The following IGSF9 variants were observed in gnomAD, a reference collection of about 807,000 sequenced individuals.
The protein encoded by IGSF9 is immunoglobulin superfamily member 9, also known as protein turtle homolog A.
Under a neutral mutation model 121.7 loss-of-function variants are expected in IGSF9, and 87 were observed. The observed-to-expected ratio is 0.71, with a 90% CI of 0.60 to 0.85. The LOEUF (loss-of-function observed/expected upper bound fraction) is 0.85. Among genes scored for constraint, IGSF9 ranks in the 40% least tolerant of loss-of-function variants. IGSF9 has a pLI of 0.00. For missense variants in IGSF9, 1,462 were observed against 1,565.3 expected, an observed-to-expected ratio of 0.93 and a Z score of 1.11; for synonymous variants, 640 against 648.4, an observed-to-expected ratio of 0.99 and a Z score of 0.20.
At chr1:159,943,692 C>T in intron 1 of IGSF9, 64 bp from the exon 2 acceptor site, 1 of 407,928 alleles carries the variant, frequency 2.5e-6, no homozygotes, top group Non-Finnish European at 4.3e-6. Context: ...AGAAACCCCA[C>T]CATTAGAGAA....
In IGSF9 at chr1:159,940,749, T is replaced by A. The variant is rs1259678779; in HGVS notation, c.247+2214A>T. Among the ~76,000 whole-genome samples, 11 of 151,650 alleles carry A rather than the reference T, an allele frequency of 7.3e-5. No homozygotes were observed. In the East Asian group the frequency reaches 1.9e-3, roughly 27 times the overall value. ...GAGGTGACTAGAGCAAGCAGGGGAG[T>A]TCTAAGTGGAGAACGAGGTCACTGA... On this transcript the variant is annotated intron_variant, in intron 3 of 20. Transcript: ENST00000368094.
At chr1:159,943,251 G>A (rs1651464045) in intron 2 of IGSF9, 100 bp from the exon 3 acceptor site, 1 of 1,311,382 alleles carries the variant, frequency 7.6e-7, no homozygotes, top group Non-Finnish European at 1.0e-6. Flanking sequence ...GACTTTGGGT[G>A]ACTGGAGAAA....
In IGSF9 at chr1:159,928,157, C is replaced by A; in HGVS notation, c.3230+1G>T. The A allele has an allele frequency of 1.2e-6, 2 of 1,605,768 alleles. No homozygotes were observed. The highest frequency in any genetic ancestry group is 4.5e-5 in the East Asian group (2 of 44,878). Reference sequence around the variant, plus strand: ...CAGGGATGGGCAGGGACTGCTCTCACCTCTTGCTGACTGTCACCACATGCT... The same window carrying A: ...CAGGGATGGGCAGGGACTGCTCTCAACTCTTGCTGACTGTCACCACATGCT... On this transcript the variant is annotated splice_donor_variant, in intron 19 of 20. Coordinates refer to ENST00000368094, the MANE Select transcript of IGSF9 (RefSeq NM_001135050.2). LOFTEE classifies it high-confidence loss of function.
Position 159,932,030 on chromosome 1 carries a change from C to T in IGSF9, c.1246-102G>A. ...GTCATGCCATGTCTCACCTCACTCT[C>T]CCTCACTCCCCCTAGCTAAACACTC... On this transcript the variant is annotated intron_variant, in intron 10 of 20. Coordinates refer to ENST00000368094, the MANE Select transcript of IGSF9 (RefSeq NM_001135050.2). This position sits in a 1 kb window ranked among gnomAD's most constrained non-coding sequence, Gnocchi z 4.1. 1 of 699,862 alleles carries T rather than the reference C, an allele frequency of 1.4e-6. No homozygotes were observed. The highest frequency in any genetic ancestry group is 2.5e-6 in the Non-Finnish European group (1 of 406,362). The allele number at this position is 699,862 out of a possible 1,614,324, so 43.4% of individuals were successfully genotyped here.
Position 159,927,904 on chromosome 1 carries a change from AAAGAC to A in IGSF9, c.3231-22_3231-18del, listed in dbSNP as rs1650799622. On this transcript the variant is annotated intron_variant, in intron 19 of 20. Coordinates refer to ENST00000368094, the MANE Select transcript of IGSF9 (RefSeq NM_001135050.2). Reference sequence around the variant, plus strand: ...GTGTTCCTCCTGTAAAAAAAAAAAAAAAGACAAACATATGGTGTGGGTGGAGGAAT... The same window carrying A: ...GTGTTCCTCCTGTAAAAAAAAAAAAAAAACATATGGTGTGGGTGGAGGAAT... 2.5e-6 allele frequency: 4 copies of A among 1,589,752 alleles called. No homozygotes were observed. The highest frequency in any genetic ancestry group is 1.7e-4 in the Middle Eastern group (1 of 5,990).
At position 159,937,833 on chromosome 1, in the gene IGSF9, C is replaced by T; in HGVS notation, c.253G>A (p.Val85Ile). 1.2e-6 allele frequency: 2 copies of T among 1,613,676 alleles called. No individual in the cohort carries two copies. The highest frequency in any genetic ancestry group is 1.7e-6 in the Non-Finnish European group (2 of 1,179,784). ...PRIDPDYVGR[V>I]RLQKGASLQI... ...AGAGAGGCCCCCTTCTGCAGCCGGA[C>T]TCGTCCTGGGGGAGGAGCCCTGAAT... The change falls in exon 4 of 21, where the codon GTC (valine) becomes ATC (isoleucine). Residue 85 changes from valine (V) to isoleucine (I), a missense_variant. This residue lies in a region of IGSF9 where 558 missense variants were observed against 599.4 expected (regional missense o/e 0.93). Transcript: ENST00000368094.
In IGSF9 at chr1:159,943,597, C is replaced by G; in HGVS notation, c.-143G>C. On this transcript the variant is annotated 5_prime_UTR_variant, in exon 2 of 21. Coordinates refer to ENST00000368094, the MANE Select transcript of IGSF9 (RefSeq NM_001135050.2). ...GTGAGGGCTTGGCTCATGTAACACC[C>G]GAGGAAGCTGCTCTCCGGAGAACCA... 2 of 671,492 alleles carry G rather than the reference C, an allele frequency of 3.0e-6. No individual in the cohort carries two copies. The highest frequency in any genetic ancestry group is 4.6e-6 in the Non-Finnish European group (2 of 435,122). 41.6% of individuals were successfully genotyped at this position (671,492 alleles called of 1,614,324 possible).
chr1:159,937,286 G>A lies in IGSF9; in HGVS notation c.401-378C>T, dbSNP rs868621002. Among the ~76,000 whole-genome samples, 5 of 152,298 alleles carry A rather than the reference G, an allele frequency of 3.3e-5. No individual in the cohort carries two copies. The South Asian group carries it at 8.3e-4, about 25-fold the overall frequency. ...ATGATTATGACCTCCTTCCTACTTA[G>A]GAGTGAGAGATAAATAATAAGGGCT... On this transcript the variant is annotated intron_variant, in intron 4 of 20. Transcript: ENST00000368094.
intron 9 of IGSF9, chr1:159,933,877 A>C: frequency 2.5e-6 from 1 of 395,926 alleles, no homozygotes; most frequent in Non-Finnish European, 4.7e-6. Flanking sequence ...TTCCCCCGGG[A>C]CACACAATTT....
In IGSF9 at chr1:159,929,728, G is replaced by A. The variant is rs61741900; in HGVS notation, c.2236C>T (p.Leu746=). 6.2e-7 allele frequency: 1 copy of A among 1,603,014 alleles called. No homozygotes were observed. The highest frequency in any genetic ancestry group is 2.3e-5 in the East Asian group (1 of 44,306). Residue 746 remains leucine, a synonymous_variant, in exon 17 of 21, where the codon CTG becomes TTG. Transcript: ENST00000368094. Reference sequence around the variant, plus strand: ...ATGCTCACAAGGACGGCCACTCCCAGAAAGCAGACTCCGCCCACCACGCCG... The same window carrying A: ...ATGCTCACAAGGACGGCCACTCCCAAAAAGCAGACTCCGCCCACCACGCCG... ...LAGVVGGVCF[L]GVAVLVSILA... is the part of the protein sequence containing the mutation.
At position 159,927,471 on chromosome 1, in the gene IGSF9, A is replaced by G. The variant is rs1650781083; in HGVS notation, c.3414T>C (p.Pro1138=). 1 of 1,614,024 alleles carries G rather than the reference A, an allele frequency of 6.2e-7. No homozygotes were observed. Among genetic ancestry groups the G allele is most frequent in the African/African-American group, 1.3e-5 (1 of 74,944 alleles). The stretch of plus-strand genomic sequence containing the variant: ...CCCGAAGGGCAGCACAGCGGGCCTC[A>G]GGGCCAGTAACATGGGCAGTGTTCA... ...CLLNTAHVTG[P]EARCAALREE... is the part of the protein sequence containing the mutation. The change falls in exon 21 of 21, where the codon CCT becomes CCC. Residue 1138 remains proline (P), a synonymous_variant. Transcript: ENST00000368094.
chr1:159,930,102 C>T, intron 15 of IGSF9, 87 bp downstream of exon 15: 4 of 1,549,914 alleles, frequency 2.6e-6, no homozygotes, highest in Non-Finnish European at 3.5e-6. Flanking sequence ...GAGCTCAAAT[C>T]AAGATGAGAA....
intron 3 of IGSF9, 49 bp downstream of exon 3, chr1:159,942,914 A>C (rs772236123): frequency 1.3e-6 from 2 of 1,545,214 alleles, no homozygotes; most frequent in African/African-American, 2.8e-5. Flanking sequence ...TACCCAGCCC[A>C]CCTTTCTTGC....
rs766044557 is a variant in IGSF9 at position 159,934,551 on chromosome 1, G to A, written c.835C>T (p.Arg279Trp). The change falls in exon 8 of 21, where the codon CGG (arginine) becomes TGG (tryptophan). Residue 279 changes from arginine to tryptophan, a missense_variant. By Grantham distance (101) the Arg-to-Trp change is moderately radical (BLOSUM62 -3). This residue lies in a region of IGSF9 where 558 missense variants were observed against 599.4 expected (regional missense o/e 0.93). Transcript: ENST00000368094. ...CGCAGGCTCCCGTCCACCAGGATCCGCACCCGGGGCTGCAGGCGGCTGCAA... is the reference window on the plus strand; with the variant it reads ...CGCAGGCTCCCGTCCACCAGGATCCACACCCGGGGCTGCAGGCGGCTGCAA... ...FHISRLQPRV[R>W]ILVDGSLRLL... 7.4e-6 allele frequency: 12 copies of A among 1,613,696 alleles called. No individual in the cohort carries two copies. The highest frequency in any genetic ancestry group is 6.7e-5 in the Admixed American group (4 of 59,976).
intron 3 of IGSF9, among the ~76,000 whole-genome samples, chr1:159,938,774 A>G (rs1402775076): frequency 6.6e-6 from 1 of 152,232 alleles, no homozygotes; most frequent in Non-Finnish European, 1.5e-5. Context: ...GAAGAGAAAG[A>G]AACAAAATTG....
chr1:159,931,942 C>G lies in IGSF9; in HGVS notation c.1246-14G>C. 1 of 1,546,730 alleles carries G rather than the reference C, an allele frequency of 6.5e-7. No individual in the cohort carries two copies. On this transcript the variant is annotated splice_polypyrimidine_tract_variant and intron_variant, in intron 10 of 20. Coordinates refer to ENST00000368094, the MANE Select transcript of IGSF9 (RefSeq NM_001135050.2). The surrounding 1 kb of genome is among the most constrained non-coding windows in gnomAD (Gnocchi z 4.8). The stretch of plus-strand genomic sequence containing the variant: ...AGCTGGGGGAGCCTGCAAGCCAGAT[C>G]TGGCATTGGGAGGGGCCCTCTCTTA...
At chr1:159,944,197 A>G (rs1651509608) in intron 1 of IGSF9, among the ~76,000 whole-genome samples, 1 of 152,128 alleles carries the variant, frequency 6.6e-6, no homozygotes, top group Admixed American at 6.5e-5. Flanking sequence ...AGTGGTCCCC[A>G]GGACACCCCG....
chr1:159,945,117 C>G (rs905209032), intron 1 of IGSF9, among the ~76,000 whole-genome samples: 2 of 152,116 alleles, frequency 1.3e-5, no homozygotes, highest in African/African-American at 4.8e-5. Context: ...ACAATCCCCC[C>G]ACAATTCCAG....
chr1:159,932,035 A>C lies in IGSF9; in HGVS notation c.1246-107T>G. 3 of 672,260 alleles carry C rather than the reference A, an allele frequency of 4.5e-6. No individual in the cohort carries two copies. The highest frequency in any genetic ancestry group is 1.9e-5 in the South Asian group (1 of 53,100). The allele number at this position is 672,260 out of a possible 1,614,324, so 41.6% of individuals were successfully genotyped here. ...GCCATGTCTCACCTCACTCTCCCTCACTCCCCCTAGCTAAACACTCACCAA... is the reference window on the plus strand; with the variant it reads ...GCCATGTCTCACCTCACTCTCCCTCCCTCCCCCTAGCTAAACACTCACCAA... On this transcript the variant is annotated intron_variant, in intron 10 of 20. Transcript: ENST00000368094. The surrounding 1 kb of genome is among the most constrained non-coding windows in gnomAD (Gnocchi z 4.1).
Sources: gnomAD v4.1 joint callset for allele counts (sites outside exome capture counted in the v4.1 genomes callset) on GRCh38, gnomAD v4.1.1 for gene constraint, gnomAD v4.1.1 regional missense constraint, Gnocchi (gnomAD v3.1) non-coding constraint, MANE v1.5 for transcripts, NCBI Gene and HGNC (gene_info 2026-07-23, HGNC 2026-07-21) for gene names.